Variants in XRN2 observed in about 807,000 individuals in gnomAD.
XRN2 encodes the protein 5'-3' exoribonuclease 2, also known as DHM1-like protein.
In XRN2, 44 loss-of-function variants were observed where a neutral mutation model predicts 138.5. That is an observed-to-expected ratio of 0.32 (90% CI 0.25 to 0.41). XRN2 has a LOEUF of 0.41. Among genes scored for constraint, XRN2 ranks in the 10% least tolerant of loss-of-function variants. XRN2 has a pLI of 1.00. For missense variants in XRN2, 937 were observed against 1,169.3 expected, an observed-to-expected ratio of 0.80 and a Z score of 2.90; for synonymous variants, 354 against 369.4, an observed-to-expected ratio of 0.96 and a Z score of 0.48.
At chr20:21,346,294 G>T in intron 16 of XRN2, 121 bp from the exon 17 acceptor site, 1 of 1,286,670 alleles carries the variant, frequency 7.8e-7, no homozygotes, top group South Asian at 1.4e-5. Context: ...TAGCATGACT[G>T]TTTAACTCTT....
rs2038244488 is a variant in XRN2, at chr20:21,333,575, C to T, written c.890C>T (p.Ala297Val). ...GAACTTGCCGATAGTCTTCCTTGTG[C>T]AGAAGGAGAGTTTATCTTCCTTCGG... is the stretch of plus-strand genomic sequence containing the variant. ...HDELADSLPCAEGEFIFLRLN... is the reference protein window; with the variant it reads ...HDELADSLPCVEGEFIFLRLN... The change falls in exon 10 of 30, where the codon GCA (alanine) becomes GTA (valine). Residue 297 changes from alanine (A) to valine (V), a missense_variant. Ala to Val is a moderately conservative substitution (Grantham distance 64). This residue lies in a region of XRN2 where 471 missense variants were observed against 581.2 expected (regional missense o/e 0.81). Coordinates refer to ENST00000377191, the MANE Select transcript of XRN2 (RefSeq NM_012255.5). 1.9e-6 allele frequency: 3 copies of T among 1,613,634 alleles called. No homozygotes were observed.
intron 29 of XRN2, 28 bp from the exon 30 acceptor site, chr20:21,389,245 A>G (rs1306035983): frequency 1.9e-6 from 3 of 1,603,350 alleles, no homozygotes; most frequent in Admixed American, 1.7e-5. Context: ...GGTCCAGAAA[A>G]TAAACTCTTT....
intron 26 of XRN2, 53 bp downstream of exon 26, chr20:21,365,757 A>G: frequency 1.3e-5 from 20 of 1,513,472 alleles, no homozygotes; most frequent in Non-Finnish European, 1.8e-5. Flanking sequence ...GAATCATCCC[A>G]TAAAACAAGT....
At position 21,344,217 on chromosome 20, in the gene XRN2, A is replaced by AT; in HGVS notation, c.1529+15dup. 2 of 1,603,014 alleles carry AT rather than the reference A, an allele frequency of 1.2e-6. No individual in the cohort carries two copies. The highest frequency in any genetic ancestry group is 2.2e-5 in the East Asian group (1 of 44,730). On this transcript the variant is annotated intron_variant, in intron 16 of 29. Transcript: ENST00000377191. Reference sequence around the variant, plus strand: ...CCAGAGGATAATGTCAGGTGAAGCCATTTTTTGGTAGCACTTTGTTAGCAA... The same window carrying AT: ...CCAGAGGATAATGTCAGGTGAAGCCATTTTTTTGGTAGCACTTTGTTAGCAA...
intron 24 of XRN2, among the ~76,000 whole-genome samples, chr20:21,362,358 G>A (rs1043268844): frequency 7.9e-5 from 12 of 152,132 alleles, no homozygotes; most frequent in Non-Finnish European, 1.3e-4. Context: ...CTCCCTGGGA[G>A]CTTATTACCT....
intron 1 of XRN2, among the ~76,000 whole-genome samples, chr20:21,308,508 T>C (rs2037834409): frequency 6.6e-6 from 1 of 152,230 alleles, no homozygotes; most frequent in Non-Finnish European, 1.5e-5. Context: ...CTCAACTTCC[T>C]CACCAACACT....
rs766822516 is a variant in XRN2, at chr20:21,348,218, G to C, written c.1738G>C (p.Asp580His). ...PFASDFEGIA[D>H]MPSDFEKGTK... ...TGCTTCAGACTTTGAAGGCATTGCA[G>C]ACATGCCATCTGATTTTGAGAAGGG... Residue 580 changes from aspartate (D) to histidine (H), a missense_variant, in exon 18 of 30, where the codon GAC becomes CAC. By Grantham distance (81) the Asp-to-His change is moderately conservative. Coordinates refer to ENST00000377191, the MANE Select transcript of XRN2 (RefSeq NM_012255.5). 1.9e-5 allele frequency: 31 copies of C among 1,614,040 alleles called. No individual in the cohort carries two copies. Among genetic ancestry groups the C allele is most frequent in the Non-Finnish European group, 2.4e-5 (28 of 1,179,966 alleles).
In XRN2 at chr20:21,303,488, G is replaced by A. The variant is rs1385702832; in HGVS notation, c.75+15G>A. 9.8e-6 allele frequency: 15 copies of A among 1,536,740 alleles called. No individual in the cohort carries two copies. Among genetic ancestry groups the A allele is most frequent in the Non-Finnish European group, 1.3e-5 (15 of 1,142,980 alleles). ...TGGAAGAGAAGGTGAGGAGGCGCCA[G>A]GCGGCCGCCACACTCGAGCCCGGGC... On this transcript the variant is annotated intron_variant, in intron 1 of 29. Coordinates refer to ENST00000377191, the MANE Select transcript of XRN2 (RefSeq NM_012255.5).
intron 24 of XRN2, among the ~76,000 whole-genome samples, chr20:21,364,576 G>A (rs902004242): frequency 1.3e-5 from 2 of 152,158 alleles, no homozygotes; most frequent in African/African-American, 2.4e-5. Context: ...GGAAGCTGAG[G>A]TGGGTGGGTC....
chr20:21,351,041 A>G (rs141819202), intron 20 of XRN2, among the ~76,000 whole-genome samples: 23 of 152,318 alleles, frequency 1.5e-4, no homozygotes, highest in Admixed American at 5.2e-4. Flanking sequence ...TTAAGAAGCA[A>G]ATATATTTTT....
chr20:21,322,083 A>G (rs1184503643), intron 1 of XRN2, among the ~76,000 whole-genome samples: 1 of 152,164 alleles, frequency 6.6e-6, no homozygotes, highest in South Asian at 2.1e-4. Context: ...TAACCTCTCT[A>G]AGCATTTGTG....
intron 1 of XRN2, among the ~76,000 whole-genome samples, chr20:21,322,331 A>G (rs1350830852): frequency 1.3e-5 from 2 of 152,214 alleles, no homozygotes; most frequent in Non-Finnish European, 1.5e-5. Context: ...TTATAGGTTG[A>G]ATTTTTAAGC....
At chr20:21,371,163 T>C (rs2122326573) in intron 27 of XRN2, among the ~76,000 whole-genome samples, 1 of 152,324 alleles carries the variant, frequency 6.6e-6, no homozygotes, top group Admixed American at 6.5e-5. Flanking sequence ...GGATAATTGA[T>C]GGGAAATATT....
At chr20:21,367,084 G>A (rs1215155101) in intron 26 of XRN2, among the ~76,000 whole-genome samples, 1 of 152,054 alleles carries the variant, frequency 6.6e-6, no homozygotes, top group East Asian at 1.9e-4. Flanking sequence ...TTGAACAGTG[G>A]TATCTCGTAG....
Position 21,365,447 on chromosome 20 carries a change from C to G in XRN2, c.2282C>G (p.Ala761Gly), listed in dbSNP as rs2038682169. The change falls in exon 25 of 30, where the codon GCT (alanine) becomes GGT (glycine). Residue 761 changes from alanine (A) to glycine (G), a missense_variant. Physicochemically the swap from Ala to Gly is moderately conservative, Grantham distance 60. Transcript: ENST00000377191. ...ATTAATTTTAAAGACCCACAGTTTGCTGAAGATTACATTTTTAAAGCTGTA... is the reference window on the plus strand; with the variant it reads ...ATTAATTTTAAAGACCCACAGTTTGGTGAAGATTACATTTTTAAAGCTGTA... ...VSINFKDPQF[A>G]EDYIFKAVML... 6.2e-7 allele frequency: 1 copy of G among 1,613,410 alleles called. No homozygotes were observed. Among genetic ancestry groups the G allele is most frequent in the African/African-American group, 1.3e-5 (1 of 74,884 alleles).
At chr20:21,384,170 G>C (rs746224662) in intron 28 of XRN2, among the ~76,000 whole-genome samples, 3 of 152,158 alleles carry the variant, frequency 2.0e-5, no homozygotes, top group Non-Finnish European at 4.4e-5. Context: ...ACACAGCCTA[G>C]AGTTAATAGA....
chr20:21,366,256 A>G (rs1282813619), intron 26 of XRN2, among the ~76,000 whole-genome samples: 2 of 140,690 alleles, frequency 1.4e-5, no homozygotes, highest in African/African-American at 5.3e-5. Context: ...TTATGAAAAT[A>G]CTGGGTTTGG....
intron 1 of XRN2, among the ~76,000 whole-genome samples, chr20:21,309,811 A>G (rs1398912788): frequency 6.6e-6 from 1 of 151,614 alleles, no homozygotes; most frequent in African/African-American, 2.4e-5. Context: ...TAGAATCTGT[A>G]GTGATGTTAC....
At chr20:21,350,850 A>G (rs1392733983) in intron 20 of XRN2, among the ~76,000 whole-genome samples, 1 of 152,132 alleles carries the variant, frequency 6.6e-6, no homozygotes, top group East Asian at 1.9e-4. Flanking sequence ...CTTCAGTGGA[A>G]TGATCATGGA....
Sources: gnomAD v4.1 joint callset for allele counts (sites outside exome capture counted in the v4.1 genomes callset) on GRCh38, gnomAD v4.1.1 for gene constraint, gnomAD v4.1.1 regional missense constraint, MANE v1.5 for transcripts, NCBI Gene and HGNC (gene_info 2026-07-23, HGNC 2026-07-21) for gene names.